Variants in KIF21A observed in about 807,000 individuals in gnomAD.
KIF21A encodes kinesin-like protein KIF21A.
Under a neutral mutation model 202.9 loss-of-function variants are expected in KIF21A, and 114 were observed. The ratio of observed to expected loss-of-function variants is 0.56; its 90% CI spans 0.48 to 0.66. KIF21A has a LOEUF of 0.66. Among genes scored for constraint, KIF21A ranks in the 30% least tolerant of loss-of-function variants. The pLI is 0.00. For missense variants in KIF21A, 1,677 were observed against 1,994.9 expected, an observed-to-expected ratio of 0.84 and a Z score of 3.04; for synonymous variants, 667 against 670.8, an observed-to-expected ratio of 0.99 and a Z score of 0.09.
intron 31 of KIF21A, chr12:39,312,731 T>C (rs1451223892): frequency 6.6e-6 from 1 of 151,970 alleles, no homozygotes; most frequent in Non-Finnish European, 1.5e-5. Context: ...GATATTTTTG[T>C]AGTTTCTGCT....
chr12:39,369,280 G>A (rs762359013), intron 3 of KIF21A, among the ~76,000 whole-genome samples: 23 of 152,060 alleles, frequency 1.5e-4, no homozygotes, highest in Admixed American at 2.6e-4. Context: ...GCAACATGGC[G>A]AAACCCCATC....
chr12:39,349,015 G>T (rs562221486), intron 11 of KIF21A, among the ~76,000 whole-genome samples: 13 of 151,966 alleles, frequency 8.6e-5, no homozygotes, highest in Non-Finnish European at 1.8e-4. Context: ...GAAAAAAATA[G>T]ATAATTTTGA....
At chr12:39,314,673 C>T (rs1482802474) in intron 31 of KIF21A, among the ~76,000 whole-genome samples, 1 of 151,790 alleles carries the variant, frequency 6.6e-6, no homozygotes, top group Non-Finnish European at 1.5e-5. Flanking sequence ...TTCTTTCCTT[C>T]AGATTACAAG....
chr12:39,299,111 G>T (rs747043757), intron 37 of KIF21A, among the ~76,000 whole-genome samples: 2 of 152,042 alleles, frequency 1.3e-5, no homozygotes, highest in Non-Finnish European at 2.9e-5. Context: ...CACTGAGTAA[G>T]CTGAGAAAAA....
intron 1 of KIF21A, among the ~76,000 whole-genome samples, chr12:39,386,901 C>A (rs992148721): frequency 6.6e-6 from 1 of 151,990 alleles, no homozygotes; most frequent in Non-Finnish European, 1.5e-5. Flanking sequence ...ATCCTGGGAC[C>A]CTAACAGTTT....
At position 39,303,092 on chromosome 12, in the gene KIF21A, G is replaced by A; in HGVS notation, c.4604C>T (p.Thr1535Ile). ...TEGALGTVSP[T>I]HNFEPPHYDG... ...ATAATGAGGGGGTTCAAAATTGTGG[G>A]TGGGACTCACAGTCCCAAGAGCTCC... Residue 1535 changes from threonine (T) to isoleucine (I), a missense_variant, in exon 36 of 38, where the codon ACC (threonine) becomes ATC (isoleucine). Coordinates refer to ENST00000361418, the MANE Select transcript of KIF21A (RefSeq NM_001173464.2). 1 of 1,613,898 alleles carries A rather than the reference G, an allele frequency of 6.2e-7. No individual in the cohort carries two copies. The highest frequency in any genetic ancestry group is 8.5e-7 in the Non-Finnish European group (1 of 1,179,868).
At chr12:39,354,771 C>T (rs982545614) in intron 10 of KIF21A, among the ~76,000 whole-genome samples, 3 of 152,046 alleles carry the variant, frequency 2.0e-5, no homozygotes, top group African/African-American at 7.2e-5. Context: ...GAATTTGGAC[C>T]TAAATATTCG....
chr12:39,416,685 GTGTATA>G (rs1378801964), intron 1 of KIF21A, among the ~76,000 whole-genome samples: 1 of 120,696 alleles, frequency 8.3e-6, no homozygotes, highest in South Asian at 2.6e-4. Flanking sequence ...ATATATATGT[GTGTATA>G]TATATATGTA....
chr12:39,382,008 AC>A (rs1175238060), intron 1 of KIF21A, among the ~76,000 whole-genome samples: 1 of 152,188 alleles, frequency 6.6e-6, no homozygotes, highest in African/African-American at 2.4e-5. Flanking sequence ...GAAAATGGGG[AC>A]CTCAGTCATA....
intron 1 of KIF21A, among the ~76,000 whole-genome samples, chr12:39,423,660 C>T (rs1954496021): frequency 6.6e-6 from 1 of 151,838 alleles, no homozygotes; most frequent in African/African-American, 2.4e-5. Context: ...ACCAGCCTGA[C>T]CAACATGGAG....
chr12:39,380,129 G>A lies in KIF21A; in HGVS notation c.45-9868C>T, dbSNP rs149113451. Among the ~76,000 whole-genome samples the A allele has an allele frequency of 6.7e-3, 1,013 of 152,204 alleles. 15 individuals are homozygous for A. The highest frequency in any genetic ancestry group is 0.023 in the African/African-American group (964 of 41,530). On this transcript the variant is annotated intron_variant, in intron 1 of 37. Transcript: ENST00000361418. Reference sequence around the variant, plus strand: ...ATTACAGGAGCACGCTGCCATGCCCGGCTAATTTTTTGTATTTTAGTAGAG... The same window carrying A: ...ATTACAGGAGCACGCTGCCATGCCCAGCTAATTTTTTGTATTTTAGTAGAG...
At chr12:39,428,976 CT>C (rs1954980098) in intron 1 of KIF21A, among the ~76,000 whole-genome samples, 1 of 148,794 alleles carries the variant, frequency 6.7e-6, no homozygotes, top group Non-Finnish European at 1.5e-5. Context: ...AAAAAAAGGA[CT>C]TCAAATTAGA....
chr12:39,348,794 C>A (rs370256260), intron 11 of KIF21A, among the ~76,000 whole-genome samples: 17 of 151,462 alleles, frequency 1.1e-4, no homozygotes, highest in South Asian at 2.1e-4. Flanking sequence ...AAAAAAAAAA[C>A]CAAACAAACA....
chr12:39,385,276 A>G (rs1282572796), intron 1 of KIF21A, among the ~76,000 whole-genome samples: 1 of 152,128 alleles, frequency 6.6e-6, no homozygotes, highest in Non-Finnish European at 1.5e-5. Context: ...AGAAAGAAGG[A>G]AGGGCAGAGA....
At chr12:39,367,786 A>G (rs921652651) in intron 4 of KIF21A, 97 bp downstream of exon 4, 1 of 937,040 alleles carries the variant, frequency 1.1e-6, no homozygotes, top group Non-Finnish European at 1.7e-6. Flanking sequence ...GCTTCAGGAT[A>G]TAAATTTCAT....
At chr12:39,339,066 G>A (rs1209372748) in intron 16 of KIF21A, among the ~76,000 whole-genome samples, 1 of 151,980 alleles carries the variant, frequency 6.6e-6, no homozygotes, top group African/African-American at 2.4e-5. Context: ...ATCAGCTGAG[G>A]TCAGGAGTTT....
At chr12:39,372,971 C>G (rs1453946671) in intron 1 of KIF21A, among the ~76,000 whole-genome samples, 1 of 152,130 alleles carries the variant, frequency 6.6e-6, no homozygotes, top group East Asian at 1.9e-4. Flanking sequence ...TTCAGCCCAC[C>G]AAGTTATTTC....
intron 31 of KIF21A, among the ~76,000 whole-genome samples, chr12:39,313,552 T>C (rs1242643097): frequency 2.0e-5 from 3 of 151,884 alleles, no homozygotes; most frequent in Admixed American, 2.0e-4. Flanking sequence ...CACAGGTAGT[T>C]GAAGAGTCAT....
intron 11 of KIF21A, among the ~76,000 whole-genome samples, chr12:39,350,813 T>C (rs1012167912): frequency 6.6e-6 from 1 of 152,040 alleles, no homozygotes; most frequent in Non-Finnish European, 1.5e-5. Context: ...TTCCAATGAC[T>C]TTGATCAACT....
Sources: allele counts gnomAD v4.1 joint callset (sites outside exome capture counted in the v4.1 genomes callset), GRCh38; gene constraint gnomAD v4.1.1; transcripts MANE v1.5; gene names NCBI Gene and HGNC (gene_info 2026-07-23, HGNC 2026-07-21).